CSGALNACT2: variants seen among roughly 807,000 people sequenced by gnomAD.
CSGALNACT2 encodes beta 4 GalNAcT-2.
In CSGALNACT2, 35 loss-of-function variants were observed where a neutral mutation model predicts 55.3. The observed-to-expected ratio is 0.63, with a 90% CI of 0.48 to 0.84. The LOEUF is 0.84. Among genes scored for constraint, CSGALNACT2 ranks in the 40% least tolerant of loss-of-function variants. The pLI is 0.00. For synonymous variants in CSGALNACT2, 196 were observed against 224.9 expected (o/e 0.87, Z 1.15); for missense variants, 544 against 657.5 (o/e 0.83, Z 1.89).
At chr10:43,142,296 CTGTTTCCTGGGTTCAAGT>C (rs766820138) in intron 1 of CSGALNACT2, among the ~76,000 whole-genome samples, 2 of 152,086 alleles carry the variant, frequency 1.3e-5, no homozygotes, top group African/African-American at 2.4e-5. Flanking sequence ...ACTGCAACCT[CTGTTTCCTGGGTTCAAGT>C]GATTCTCCTG....
chr10:43,168,457 A>AG (rs1047588349), intron 6 of CSGALNACT2, among the ~76,000 whole-genome samples: 1 of 152,126 alleles, frequency 6.6e-6, no homozygotes, highest in African/African-American at 2.4e-5. Context: ...TCTCAAAAAA[A>AG]CAAAACAAAA....
chr10:43,162,170 C>T, intron 4 of CSGALNACT2: 1 of 519,142 alleles, frequency 1.9e-6, no homozygotes, highest in Non-Finnish European at 3.8e-6. Context: ...CTGTTTTTCT[C>T]TGCATGTTGA....
In CSGALNACT2 at chr10:43,138,793, T is replaced by G. The variant is rs549251465; in HGVS notation, c.-254+226T>G. On this transcript the variant is annotated intron_variant, in intron 1 of 7. Transcript: ENST00000374466. Reference sequence around the variant, plus strand: ...TGGTTCGCTTGTCAGTGTTGGGTTTTGTTTTGTTTCGTTTTGTTTTTACCT... The same window carrying G: ...TGGTTCGCTTGTCAGTGTTGGGTTTGGTTTTGTTTCGTTTTGTTTTTACCT... Among the ~76,000 whole-genome samples the G allele has an allele frequency of 4.6e-5, 7 of 152,280 alleles. No individual in the cohort carries two copies. The East Asian group carries it at 9.6e-4, about 21-fold the overall frequency.
chr10:43,144,921 T>C (rs7922493), intron 1 of CSGALNACT2, among the ~76,000 whole-genome samples: 3,062 of 152,322 alleles, frequency 0.02, 110 homozygotes, highest in African/African-American at 0.069. Flanking sequence ...TTCTGTTGCC[T>C]GGCTCCTATT....
intron 7 of CSGALNACT2, among the ~76,000 whole-genome samples, chr10:43,180,362 TC>T (rs892524189): frequency 3.9e-5 from 6 of 152,226 alleles, no homozygotes; most frequent in African/African-American, 7.2e-5. Context: ...ATCCTCAAGC[TC>T]AGAGATTGTT....
intron 1 of CSGALNACT2, among the ~76,000 whole-genome samples, chr10:43,145,044 C>T (rs190245561): frequency 6.6e-6 from 1 of 152,308 alleles, no homozygotes; most frequent in Non-Finnish European, 1.5e-5. Context: ...TTTGTCCATT[C>T]ACCTGTTGGT....
chr10:43,153,153 G>A (rs1224617484), intron 1 of CSGALNACT2, among the ~76,000 whole-genome samples: 1 of 151,936 alleles, frequency 6.6e-6, no homozygotes, highest in East Asian at 1.9e-4. Flanking sequence ...ATGAGACCAC[G>A]ATGAAACCCC....
intron 6 of CSGALNACT2, 82 bp from the exon 7 acceptor site, chr10:43,175,869 A>G: frequency 8.2e-7 from 1 of 1,226,432 alleles, no homozygotes; most frequent in Non-Finnish European, 1.2e-6. Flanking sequence ...TATACATTAG[A>G]AAATAATTTG....
chr10:43,146,976 TTTTTTTTTTTTTTGTG>T (rs1178256893), intron 1 of CSGALNACT2, among the ~76,000 whole-genome samples: 8 of 72 alleles, frequency 0.11, no homozygotes, highest in South Asian at 0.5. Flanking sequence ...TTTTTTTTTT[TTTTTTTTTTTTTTGTG>T]GAGACGGGAG....
intron 7 of CSGALNACT2, among the ~76,000 whole-genome samples, chr10:43,181,704 G>T (rs1839591898): frequency 6.6e-6 from 1 of 150,648 alleles, no homozygotes; most frequent in African/African-American, 2.5e-5. Flanking sequence ...CTTGAGCCCA[G>T]GAGATGGAGG....
chr10:43,145,410 CTTTTT>C (rs71016727), intron 1 of CSGALNACT2, among the ~76,000 whole-genome samples: 2 of 99,420 alleles, frequency 2.0e-5, no homozygotes, highest in East Asian at 3.2e-4. Context: ...TTGTTTGTTT[CTTTTT>C]TTTTTTTTTT....
intron 4 of CSGALNACT2, chr10:43,163,573 T>C (rs1808043567): frequency 1.0e-6 from 1 of 985,246 alleles, no homozygotes; most frequent in African/African-American, 1.7e-5. Context: ...ATTTTTCCAT[T>C]TGTGTATTTT....
At chr10:43,153,254 G>A (rs933805273) in intron 1 of CSGALNACT2, among the ~76,000 whole-genome samples, 3 of 150,918 alleles carry the variant, frequency 2.0e-5, no homozygotes, top group African/African-American at 2.4e-5. Context: ...AGAATAGCGC[G>A]AACCCAGGAG....
At chr10:43,162,063 G>T (rs1839161012) in intron 4 of CSGALNACT2, 1 of 488,326 alleles carries the variant, frequency 2.0e-6, no homozygotes, top group Non-Finnish European at 4.1e-6. Flanking sequence ...TAAAGGGATT[G>T]TTACAACCAA....
At chr10:43,182,891 A>G (rs995445103) in intron 7 of CSGALNACT2, among the ~76,000 whole-genome samples, 79 of 152,030 alleles carry the variant, frequency 5.2e-4, no homozygotes, top group Non-Finnish European at 1.1e-3. Flanking sequence ...AAAAACAAAA[A>G]AAAAAAGAAA....
rs1838962575 is a variant in CSGALNACT2 at position 43,155,062 on chromosome 10, G to A, written c.-88G>A. 9.0e-7 allele frequency: 1 copy of A among 1,111,102 alleles called. No individual in the cohort carries two copies. The allele number at this position is 1,111,102 out of a possible 1,614,324, so 68.8% of individuals were successfully genotyped here. A position where few individuals can be genotyped will look rare whatever the true frequency, so the allele number is the denominator to read the frequency against. ...GGCAGAATTATTTTATGGAAATTCTGATTTTGTTTTTAATTTTTGATAACT... is the reference window on the plus strand; with the variant it reads ...GGCAGAATTATTTTATGGAAATTCTAATTTTGTTTTTAATTTTTGATAACT... On this transcript the variant is annotated 5_prime_UTR_variant, in exon 2 of 8. Coordinates refer to ENST00000374466, the MANE Select transcript of CSGALNACT2 (RefSeq NM_018590.5).
intron 1 of CSGALNACT2, among the ~76,000 whole-genome samples, chr10:43,145,009 C>G (rs1249516316): frequency 1.3e-5 from 2 of 152,098 alleles, no homozygotes; most frequent in Non-Finnish European, 2.9e-5. Context: ...AAGCAGTGTT[C>G]CATTGTGTAT....
intron 1 of CSGALNACT2, among the ~76,000 whole-genome samples, chr10:43,151,968 A>G (rs1267761447): frequency 6.6e-6 from 1 of 152,214 alleles, no homozygotes; most frequent in African/African-American, 2.4e-5. Context: ...CAAATCTGAG[A>G]GTAAATCTGG....
chr10:43,152,011 C>CA (rs1381508322), intron 1 of CSGALNACT2, among the ~76,000 whole-genome samples: 1 of 152,134 alleles, frequency 6.6e-6, no homozygotes, highest in African/African-American at 2.4e-5. Flanking sequence ...AAAAGGAAGT[C>CA]AGTTTTTTAA....
Sources: allele counts gnomAD v4.1 joint callset (sites outside exome capture counted in the v4.1 genomes callset), GRCh38; gene constraint gnomAD v4.1.1; transcripts MANE v1.5; gene names NCBI Gene and HGNC (gene_info 2026-07-23, HGNC 2026-07-21).